The following SRPK2 variants were observed in gnomAD, a reference collection of about 807,000 sequenced individuals.
SRPK2 encodes SFRS protein kinase 2.
Under a neutral mutation model 90.8 loss-of-function variants are expected in SRPK2, and 21 were observed. The observed-to-expected ratio is 0.23, with a 90% CI of 0.16 to 0.33. The LOEUF (loss-of-function observed/expected upper bound fraction) is 0.33. Ranked by LOEUF, SRPK2 falls within the 10% of genes least tolerant of loss-of-function variation. The pLI is 1.00. For missense variants in SRPK2, 620 were observed against 869.0 expected (o/e 0.71, Z 3.60); for synonymous variants, 288 against 311.1 (o/e 0.93, Z 0.78).
chr7:105,340,920 T>C (rs1290438255), intron 2 of SRPK2, among the ~76,000 whole-genome samples: 1 of 152,208 alleles, frequency 6.6e-6, no homozygotes, highest in Non-Finnish European at 1.5e-5. Flanking sequence ...AATGTTTTTT[T>C]AGATATTGTA....
chr7:105,370,049 C>CAACAACAAA (rs1056661797), intron 2 of SRPK2, among the ~76,000 whole-genome samples: 6 of 151,650 alleles, frequency 4.0e-5, no homozygotes, highest in Non-Finnish European at 8.8e-5. Context: ...ACAACAACAA[C>CAACAACAAA]AAAAGTGACC....
intron 3 of SRPK2, among the ~76,000 whole-genome samples, chr7:105,170,789 G>A (rs1194820764): frequency 0.024 from 1,321 of 54,754 alleles, 65 homozygotes; most frequent in African/African-American, 0.049. Context: ...GGACGGGAGG[G>A]AGGGAGGGAG....
intron 3 of SRPK2, among the ~76,000 whole-genome samples, chr7:105,174,961 T>C (rs1791641307): frequency 6.6e-6 from 1 of 151,876 alleles, no homozygotes; most frequent in Non-Finnish European, 1.5e-5. Context: ...CTGGCTAATG[T>C]GACAAAAACG....
intron 2 of SRPK2, among the ~76,000 whole-genome samples, chr7:105,377,563 G>A (rs1332275278): frequency 1.3e-5 from 2 of 152,052 alleles, no homozygotes; most frequent in South Asian, 4.1e-4. Context: ...AGCCAGCCGT[G>A]GTAGTGGCAC....
chr7:105,295,307 GT>G (rs2131129103), intron 2 of SRPK2, among the ~76,000 whole-genome samples: 1 of 150,898 alleles, frequency 6.6e-6, no homozygotes, highest in South Asian at 2.1e-4. Context: ...TTTAATGTTT[GT>G]TTTATGTTAC....
intron 2 of SRPK2, among the ~76,000 whole-genome samples, chr7:105,333,622 T>C (rs992259010): frequency 2.0e-5 from 3 of 152,250 alleles, no homozygotes; most frequent in African/African-American, 7.2e-5. Flanking sequence ...TGCTTTCCAG[T>C]AGTAGTTACT....
intron 2 of SRPK2, among the ~76,000 whole-genome samples, chr7:105,374,615 A>T (rs903018665): frequency 6.6e-5 from 10 of 152,078 alleles, no homozygotes; most frequent in Non-Finnish European, 1.5e-4. Context: ...ATATACATAT[A>T]TTTTTTTGAG....
intron 2 of SRPK2, among the ~76,000 whole-genome samples, chr7:105,258,390 C>A (rs1384565975): frequency 7.3e-6 from 1 of 136,172 alleles, no homozygotes; most frequent in African/African-American, 2.8e-5. Flanking sequence ...GCACTCCAAC[C>A]TGGGTAACAA....
chr7:105,159,726 T>G (rs1196489895), intron 7 of SRPK2, among the ~76,000 whole-genome samples: 2 of 152,182 alleles, frequency 1.3e-5, no homozygotes, highest in Non-Finnish European at 2.9e-5. Context: ...TCTCTAAGCC[T>G]GACCCTAGCT....
chr7:105,160,815 G>A (rs1280025368), intron 6 of SRPK2, among the ~76,000 whole-genome samples: 1 of 152,188 alleles, frequency 6.6e-6, no homozygotes, highest in Admixed American at 6.5e-5. Context: ...GTGTTTCCCA[G>A]TATCTCAGGA....
At chr7:105,262,577 T>G (rs1173677624) in intron 2 of SRPK2, among the ~76,000 whole-genome samples, 3 of 152,180 alleles carry the variant, frequency 2.0e-5, no homozygotes, top group Non-Finnish European at 4.4e-5. Context: ...TGAAACCAAG[T>G]CTGAAAACTA....
In SRPK2 at chr7:105,169,144, A is replaced by G. The variant is rs1239748430; in HGVS notation, c.338+13T>C. 2 of 1,605,586 alleles carry G rather than the reference A, an allele frequency of 1.2e-6. No homozygotes were observed. The highest frequency in any genetic ancestry group is 1.7e-6 in the Non-Finnish European group (2 of 1,174,652). ...TCCAGGAAACAAATGCACAAATGAC[A>G]AAGAACACTTACTGCATATCCCAGC... On this transcript the variant is annotated intron_variant, in intron 4 of 15. Transcript: ENST00000393651.
Position 105,383,052 on chromosome 7 carries a change from A to ATTTTTTTTTTTTTTTTTTTTTT in SRPK2, c.71+5595_71+5596insAAAAAAAAAAAAAAAAAAAAAA, listed in dbSNP as rs1563315577. Among the ~76,000 whole-genome samples, 8 of 105,276 alleles carry ATTTTTTTTTTTTTTTTTTTTTT rather than the reference A, an allele frequency of 7.6e-5. 4 individuals are homozygous for ATTTTTTTTTTTTTTTTTTTTTT. The highest frequency in any genetic ancestry group is 7.6e-5 in the African/African-American group (2 of 26,488). The allele number at this position is 105,276 out of a possible 152,430, so 69.1% of individuals were successfully genotyped here. Reference sequence around the variant, plus strand: ...AGTCTGAAATTATTTCAAAAGTAAAAATTTTTTTTTTTTTTTTTTTTTTTT... The same window carrying ATTTTTTTTTTTTTTTTTTTTTT: ...AGTCTGAAATTATTTCAAAAGTAAAATTTTTTTTTTTTTTTTTTTTTTATTTTTTTTTTTTTTTTTTTTTTTT... On this transcript the variant is annotated intron_variant, in intron 2 of 15. Transcript: ENST00000393651.
chr7:105,165,796 G>A (rs1157720106), intron 6 of SRPK2, among the ~76,000 whole-genome samples: 1 of 152,200 alleles, frequency 6.6e-6, no homozygotes, highest in African/African-American at 2.4e-5. Flanking sequence ...CTTCCATGCT[G>A]TGGAAGCTTT....
chr7:105,163,106 T>G (rs1355093971), intron 6 of SRPK2, among the ~76,000 whole-genome samples: 1 of 152,186 alleles, frequency 6.6e-6, no homozygotes, highest in Non-Finnish European at 1.5e-5. Flanking sequence ...AAAAGAAATA[T>G]GAGGGATTTT....
intron 2 of SRPK2, among the ~76,000 whole-genome samples, chr7:105,209,326 A>T (rs1435072281): frequency 6.6e-6 from 1 of 151,600 alleles, no homozygotes; most frequent in South Asian, 2.1e-4. Context: ...CACAGTGGGT[A>T]TATCAGTTGA....
At chr7:105,176,697 ATATG>A (rs1194880247) in intron 3 of SRPK2, among the ~76,000 whole-genome samples, 3 of 59,190 alleles carry the variant, frequency 5.1e-5, no homozygotes, top group Non-Finnish European at 1.2e-4. Context: ...GTGTACATAT[ATATG>A]TATGTGTATG....
chr7:105,142,405 C>A lies in SRPK2; in HGVS notation c.1146G>T (p.Ala382=). The A allele has an allele frequency of 6.2e-7, 1 of 1,614,088 alleles. No individual in the cohort carries two copies. Among genetic ancestry groups the A allele is most frequent in the Non-Finnish European group, 8.5e-7 (1 of 1,180,026 alleles). Residue 382 remains alanine (A), a synonymous_variant, in exon 11 of 16, where the codon GCG becomes GCT. Coordinates refer to ENST00000393651, the MANE Select transcript of SRPK2 (RefSeq NM_182692.3). ...KDEDDVDQEL[A]NIDPTWIESP... is the part of the protein sequence containing the mutation. ...ATTCTATCCACGTAGGGTCTATGTTCGCAAGTTCCTGATCTACATCATCTT... is the reference window on the plus strand; with the variant it reads ...ATTCTATCCACGTAGGGTCTATGTTAGCAAGTTCCTGATCTACATCATCTT...
intron 2 of SRPK2, among the ~76,000 whole-genome samples, chr7:105,229,861 AG>A (rs1799213099): frequency 6.6e-6 from 1 of 152,244 alleles, no homozygotes; most frequent in Non-Finnish European, 1.5e-5. Context: ...TCGCTGTCCC[AG>A]GGATCTAGTC....
Sources: gnomAD v4.1 joint callset for allele counts (sites outside exome capture counted in the v4.1 genomes callset) on GRCh38, gnomAD v4.1.1 for gene constraint, MANE v1.5 for transcripts, NCBI Gene and HGNC (gene_info 2026-07-23, HGNC 2026-07-21) for gene names.